Variants in ZNF423 observed in about 807,000 individuals in gnomAD.
ZNF423 encodes the protein Ebf-associated zinc finger protein.
A neutral mutation model predicts 95.8 loss-of-function variants in ZNF423; 12 were observed. The observed-to-expected ratio is 0.13, with a 90% CI of 0.08 to 0.20. The LOEUF (loss-of-function observed/expected upper bound fraction) is 0.20. ZNF423 is among the 10% of genes least tolerant of loss of function. The probability of loss-of-function intolerance (pLI) is 1.00; values close to 1 mark genes in which losing one functional copy is unlikely to be tolerated. For missense variants in ZNF423, 1,316 were observed against 1,737.1 expected, an observed-to-expected ratio of 0.76 and a Z score of 4.31; for synonymous variants, 749 against 711.9, an observed-to-expected ratio of 1.05 and a Z score of -0.83.
intron 2 of ZNF423, among the ~76,000 whole-genome samples, chr16:49,765,626 A>T (rs1002484291): frequency 4.6e-5 from 7 of 152,108 alleles, no homozygotes; most frequent in African/African-American, 1.7e-4. Context: ...AAGCTGAGGC[A>T]GGAGAATCAC....
chr16:49,756,205 G>A (rs1410611729), intron 2 of ZNF423, among the ~76,000 whole-genome samples: 1 of 152,120 alleles, frequency 6.6e-6, no homozygotes, highest in African/African-American at 2.4e-5. Flanking sequence ...TTGAATCCTG[G>A]GGGCAGCCTG....
intron 7 of ZNF423, among the ~76,000 whole-genome samples, chr16:49,500,026 T>C (rs970861867): frequency 5.3e-5 from 8 of 152,004 alleles, no homozygotes; most frequent in Admixed American, 3.3e-4. Flanking sequence ...GAGCAGAGAA[T>C]TGGGTGAGCG....
chr16:49,821,773 C>T (rs1224851244), intron 1 of ZNF423, among the ~76,000 whole-genome samples: 1 of 152,158 alleles, frequency 6.6e-6, no homozygotes. Context: ...GTCACTCAGG[C>T]CCTTCTGTGG....
intron 1 of ZNF423, among the ~76,000 whole-genome samples, chr16:49,813,221 T>G (rs1212979204): frequency 7.0e-6 from 1 of 142,216 alleles, no homozygotes; most frequent in Non-Finnish European, 1.5e-5. Flanking sequence ...CAGGTCTACC[T>G]TGGTGACTCC....
intron 5 of ZNF423, among the ~76,000 whole-genome samples, chr16:49,547,928 G>A (rs1266562626): frequency 2.0e-5 from 3 of 152,168 alleles, no homozygotes; most frequent in Admixed American, 6.5e-5. Flanking sequence ...CCAATTGTGC[G>A]TTTTCCACGG....
At position 49,511,112 on chromosome 16, in the gene ZNF423, G is replaced by A. The variant is rs1225239827; in HGVS notation, c.3849+12512C>T. Among the ~76,000 whole-genome samples the A allele has an allele frequency of 3.9e-5, 6 of 152,236 alleles. No homozygotes were observed. In the East Asian group the frequency reaches 7.7e-4, roughly 20 times the overall value. On this transcript the variant is annotated intron_variant, in intron 7 of 7. Coordinates refer to ENST00000563137, the MANE Select transcript of ZNF423 (RefSeq NM_001379286.1). ...GCGAGCTGACCCTCAAGGCTCACGA[G>A]GGTATCTGAGCACAGCTGGACACAG...
intron 2 of ZNF423, among the ~76,000 whole-genome samples, chr16:49,744,181 C>T (rs570302889): frequency 2.5e-4 from 38 of 152,368 alleles, no homozygotes; most frequent in Non-Finnish European, 5.1e-4. Flanking sequence ...TGGAGCCCCA[C>T]AAGTGGGCTG....
chr16:49,781,634 C>T (rs1043232464), intron 2 of ZNF423, among the ~76,000 whole-genome samples: 6 of 152,136 alleles, frequency 3.9e-5, no homozygotes, highest in Admixed American at 3.9e-4. Flanking sequence ...GAAGTGCAGG[C>T]GGGACTGCAC....
intron 2 of ZNF423, among the ~76,000 whole-genome samples, chr16:49,775,534 T>C (rs181851509): frequency 6.6e-6 from 1 of 152,340 alleles, no homozygotes; most frequent in Non-Finnish European, 1.5e-5. Flanking sequence ...ACACATGTCA[T>C]GTACCCTCTC....
chr16:49,753,895 G>A (rs777493872), intron 2 of ZNF423, among the ~76,000 whole-genome samples: 16 of 152,272 alleles, frequency 1.1e-4, no homozygotes, highest in Non-Finnish European at 2.1e-4. Context: ...GCTGGGAATG[G>A]TGGCGGGCGC....
At chr16:49,566,811 A>G (rs1970207698) in intron 5 of ZNF423, among the ~76,000 whole-genome samples, 2 of 152,042 alleles carry the variant, frequency 1.3e-5, no homozygotes, top group African/African-American at 4.8e-5. Flanking sequence ...CCCAGAAGTT[A>G]GAGAAGGGGA....
chr16:49,543,757 T>C (rs1969342192), intron 5 of ZNF423, among the ~76,000 whole-genome samples: 1 of 152,162 alleles, frequency 6.6e-6, no homozygotes, highest in Non-Finnish European at 1.5e-5. Context: ...CCCAGGGCTG[T>C]AAACCAGTGG....
At chr16:49,677,282 A>AGAAGGGAAGGGAAGG (rs1567283970) in intron 3 of ZNF423, among the ~76,000 whole-genome samples, 3 of 81,578 alleles carry the variant, frequency 3.7e-5, no homozygotes, top group Non-Finnish European at 2.5e-5. Context: ...AGAAGAGAAG[A>AGAAGGGAAGGGAAGG]GAAGAGAAGA....
At chr16:49,823,228 C>T (rs549711085) in intron 1 of ZNF423, among the ~76,000 whole-genome samples, 2 of 152,368 alleles carry the variant, frequency 1.3e-5, no homozygotes, top group Admixed American at 1.3e-4. Flanking sequence ...GCATCACTAC[C>T]TGGACAGAAG....
chr16:49,667,106 G>A (rs1314675524), intron 3 of ZNF423, among the ~76,000 whole-genome samples: 2 of 152,194 alleles, frequency 1.3e-5, no homozygotes, highest in African/African-American at 4.8e-5. Flanking sequence ...GCCAGATCTT[G>A]TTGAAATCCA....
intron 2 of ZNF423, among the ~76,000 whole-genome samples, chr16:49,763,708 G>C (rs1480364360): frequency 6.6e-6 from 1 of 152,008 alleles, no homozygotes; most frequent in Non-Finnish European, 1.5e-5. Flanking sequence ...ACCCACACTT[G>C]GGGGTGGCAA....
intron 3 of ZNF423, among the ~76,000 whole-genome samples, chr16:49,676,144 C>T (rs1282507855): frequency 1.3e-5 from 2 of 152,258 alleles, no homozygotes; most frequent in Non-Finnish European, 2.9e-5. Flanking sequence ...ATCAATGATA[C>T]AGTGGGCAAA....
At chr16:49,627,571 TCC>T (rs1972340901) in intron 4 of ZNF423, among the ~76,000 whole-genome samples, 1 of 141,514 alleles carries the variant, frequency 7.1e-6, no homozygotes, top group African/African-American at 2.6e-5. Context: ...CATCCATCCA[TCC>T]TCCATCTACC....
intron 5 of ZNF423, among the ~76,000 whole-genome samples, chr16:49,589,600 G>A (rs1032080332): frequency 6.6e-6 from 1 of 152,172 alleles, no homozygotes; most frequent in East Asian, 1.9e-4. Context: ...GGAGCAGCGA[G>A]AGGGAGAAGG....
Sources: gnomAD v4.1 joint callset for allele counts (sites outside exome capture counted in the v4.1 genomes callset) on GRCh38, gnomAD v4.1.1 for gene constraint, MANE v1.5 for transcripts, NCBI Gene and HGNC (gene_info 2026-07-23, HGNC 2026-07-21) for gene names.